FNDC3A: variants seen among roughly 807,000 people sequenced by gnomAD.
FNDC3A encodes fibronectin type-III domain-containing protein 3A.
FNDC3A carries 32 observed loss-of-function variants against 148.9 expected under a neutral mutation model. The observed-to-expected ratio is 0.21, with a 90% CI of 0.16 to 0.29. The LOEUF is 0.29. Among genes scored for constraint, FNDC3A ranks in the 10% least tolerant of loss-of-function variants. FNDC3A has a pLI of 1.00. For missense variants in FNDC3A, 1,191 were observed against 1,452.8 expected, an observed-to-expected ratio of 0.82 and a Z score of 2.93; for synonymous variants, 472 against 473.6, an observed-to-expected ratio of 1.00 and a Z score of 0.04.
intron 2 of FNDC3A, among the ~76,000 whole-genome samples, chr13:49,012,099 C>A (rs1952359074): frequency 6.6e-6 from 1 of 151,932 alleles, no homozygotes; most frequent in Non-Finnish European, 1.5e-5. Flanking sequence ...ATATCTGTCA[C>A]ATATTTGTAG....
At chr13:49,194,785 G>C (rs536124082) in intron 19 of FNDC3A, among the ~76,000 whole-genome samples, 1 of 151,812 alleles carries the variant, frequency 6.6e-6, no homozygotes, top group Non-Finnish European at 1.5e-5. Context: ...AGTATAAAAG[G>C]TTTCTTTTTT....
intron 2 of FNDC3A, among the ~76,000 whole-genome samples, chr13:49,026,881 G>A (rs575180677): frequency 2.6e-5 from 4 of 152,222 alleles, no homozygotes; most frequent in South Asian, 2.1e-4. Flanking sequence ...AAATTATTTG[G>A]TTAACTATAT....
chr13:49,133,038 T>C (rs943625929), intron 5 of FNDC3A, among the ~76,000 whole-genome samples: 3 of 152,202 alleles, frequency 2.0e-5, no homozygotes, highest in African/African-American at 7.2e-5. Flanking sequence ...AAATACAAAA[T>C]TGAAATTACA....
intron 8 of FNDC3A, among the ~76,000 whole-genome samples, chr13:49,155,329 A>C (rs530264243): frequency 3.7e-4 from 56 of 151,416 alleles, no homozygotes; most frequent in African/African-American, 1.3e-3. Flanking sequence ...GTATTCTCTG[A>C]TGGTAGTTTG....
chr13:49,031,494 A>T (rs1205379348), intron 2 of FNDC3A, among the ~76,000 whole-genome samples: 1 of 152,194 alleles, frequency 6.6e-6, no homozygotes, highest in African/African-American at 2.4e-5. Context: ...ATTTATGGTC[A>T]TTTGGTTTTG....
chr13:49,107,941 C>G (rs1479625989), intron 3 of FNDC3A, among the ~76,000 whole-genome samples: 8 of 151,746 alleles, frequency 5.3e-5, no homozygotes, highest in Admixed American at 4.6e-4. Context: ...ATGGGGAAGT[C>G]AAAGGAAGAC....
At chr13:49,047,468 G>T (rs1027610577) in intron 2 of FNDC3A, among the ~76,000 whole-genome samples, 11 of 151,944 alleles carry the variant, frequency 7.2e-5, no homozygotes, top group African/African-American at 1.2e-4. Context: ...ATTATTTTTT[G>T]ATTTTTTTGT....
chr13:49,030,227 T>G (rs1874010180), intron 2 of FNDC3A, among the ~76,000 whole-genome samples: 1 of 152,212 alleles, frequency 6.6e-6, no homozygotes, highest in Admixed American at 6.5e-5. Context: ...GTAGGAATGT[T>G]GAAGTTGGTT....
chr13:49,023,566 A>G (rs1329946386), intron 2 of FNDC3A, among the ~76,000 whole-genome samples: 1 of 151,946 alleles, frequency 6.6e-6, no homozygotes, highest in Non-Finnish European at 1.5e-5. Context: ...CTTGGTCTAA[A>G]AAGAATTGAT....
intron 2 of FNDC3A, among the ~76,000 whole-genome samples, chr13:49,024,748 G>A (rs1873576718): frequency 6.6e-6 from 1 of 151,682 alleles, no homozygotes; most frequent in South Asian, 2.1e-4. Context: ...TGCAATAAAG[G>A]CCATATATGA....
At chr13:49,177,927 G>A (rs1185271049) in intron 13 of FNDC3A, among the ~76,000 whole-genome samples, 1 of 152,180 alleles carries the variant, frequency 6.6e-6, no homozygotes, top group African/African-American at 2.4e-5. Flanking sequence ...CTGAAATTAG[G>A]AATTAGGGGA....
Position 49,136,419 on chromosome 13 carries a change from G to T in FNDC3A, c.578G>T (p.Arg193Leu), listed in dbSNP as rs369583924. ...CGTTTGCAGAAAAAATTGAAGGATC[G>T]CCAAGGAACACAGAAAGATAAAATG... ...YERLQKKLKD[R>L]QGTQKDKMSS... Residue 193 changes from arginine (R) to leucine (L), a missense_variant, in exon 6 of 26, where the codon CGC (arginine) becomes CTC (leucine). Physicochemically the swap from Arg to Leu is moderately radical, Grantham distance 102. Transcript: ENST00000492622. 1 of 1,613,964 alleles carries T rather than the reference G, an allele frequency of 6.2e-7. No homozygotes were observed. The highest frequency in any genetic ancestry group is 1.3e-5 in the African/African-American group (1 of 74,978).
At chr13:49,177,443 T>TAG (rs1885087397) in intron 13 of FNDC3A, among the ~76,000 whole-genome samples, 3 of 152,224 alleles carry the variant, frequency 2.0e-5, no homozygotes, top group Non-Finnish European at 2.9e-5. Flanking sequence ...TAGGGTGTAT[T>TAG]CTATTATTAA....
intron 8 of FNDC3A, among the ~76,000 whole-genome samples, chr13:49,161,136 C>CTG (rs1884081994): frequency 6.6e-6 from 1 of 152,096 alleles, no homozygotes; most frequent in Non-Finnish European, 1.5e-5. Flanking sequence ...TCTATTAGGT[C>CTG]CAGTTGGTGC....
rs1885618470 is a variant in FNDC3A, at chr13:49,187,134, A to G, written c.1769A>G (p.Asp590Gly). 6.2e-7 allele frequency: 1 copy of G among 1,612,578 alleles called. No homozygotes were observed. Among genetic ancestry groups the G allele is most frequent in the African/African-American group, 1.3e-5 (1 of 74,830 alleles). ...CTTCTTTGGATAGATCCACCAAAAG[A>G]CAATGGCGGAGCAACCATCAATAAA... is the stretch of plus-strand genomic sequence containing the variant. ...SFKITWDPPKDNGGATINKYV... is the reference protein window; with the variant it reads ...SFKITWDPPKGNGGATINKYV... The change falls in exon 16 of 26, where the codon GAC becomes GGC. Residue 590 changes from aspartate (D) to glycine (G), a missense_variant. Around this residue, in one of 3 missense-constraint regions of FNDC3A, gnomAD observed 751 missense variants for 944.0 expected, o/e 0.80. Transcript: ENST00000492622.
chr13:49,024,487 T>C (rs906987225), intron 2 of FNDC3A, among the ~76,000 whole-genome samples: 2 of 151,822 alleles, frequency 1.3e-5, no homozygotes, highest in African/African-American at 4.8e-5. Flanking sequence ...CAAAATACTA[T>C]GTAACAAACT....
intron 25 of FNDC3A, 31 bp downstream of exon 25, chr13:49,203,315 A>G (rs1457468011): frequency 1.3e-6 from 2 of 1,526,276 alleles, no homozygotes; most frequent in East Asian, 4.5e-5. Flanking sequence ...GTGTGGATGC[A>G]TATTTTTACC....
intron 7 of FNDC3A, among the ~76,000 whole-genome samples, chr13:49,143,043 T>C (rs1882777742): frequency 6.6e-6 from 1 of 152,148 alleles, no homozygotes; most frequent in Non-Finnish European, 1.5e-5. Context: ...AATTTTTGTA[T>C]TTTTAGTAGA....
At chr13:49,097,849 A>G (rs576713879) in intron 3 of FNDC3A, among the ~76,000 whole-genome samples, 16 of 152,160 alleles carry the variant, frequency 1.1e-4, no homozygotes, top group Non-Finnish European at 2.4e-4. Flanking sequence ...TTAAAATTAT[A>G]GGCCCAAAGA....
Sources: allele counts gnomAD v4.1 joint callset (sites outside exome capture counted in the v4.1 genomes callset), GRCh38; gene constraint gnomAD v4.1.1; regional missense constraint gnomAD v4.1.1; transcripts MANE v1.5; gene names NCBI Gene and HGNC (gene_info 2026-07-23, HGNC 2026-07-21).